PTPRG: variants seen among roughly 807,000 people sequenced by gnomAD.
PTPRG encodes the protein protein tyrosine phosphatase receptor type G.
Under a neutral mutation model 165.3 loss-of-function variants are expected in PTPRG, and 102 were observed. That is an observed-to-expected ratio of 0.62 (90% confidence interval 0.53 to 0.73). The LOEUF (loss-of-function observed/expected upper bound fraction) is 0.73. Ranked by LOEUF, PTPRG falls within the 30% of genes least tolerant of loss-of-function variation. PTPRG has a pLI of 0.00. For missense variants in PTPRG, 1,866 were observed against 1,861.4 expected (o/e 1.00, Z -0.05); for synonymous variants, 675 against 669.5 (o/e 1.01, Z -0.13).
chr3:61,956,004 G>T lies in PTPRG; in HGVS notation c.191-33621G>T, dbSNP rs143246943. ...TCAATTTCAGAGATAGAATTGCCAA[G>T]TTCATTATTTCTGGAGAAAGGAACA... On this transcript the variant is annotated intron_variant, in intron 2 of 29. Transcript: ENST00000474889. 4.3e-3 allele frequency among the ~76,000 whole-genome samples: 660 copies of T among 151,878 alleles called. 3 individuals carry two copies. The highest frequency in any genetic ancestry group is 0.014 in the African/African-American group (593 of 41,372).
chr3:62,128,098 G>C (rs1367893432), intron 5 of PTPRG, among the ~76,000 whole-genome samples: 1 of 152,160 alleles, frequency 6.6e-6, no homozygotes, highest in Non-Finnish European at 1.5e-5. Flanking sequence ...CAACTGAAAA[G>C]CTTTAATTCA....
At chr3:61,573,110 CA>C (rs1559508212) in intron 1 of PTPRG, among the ~76,000 whole-genome samples, 1 of 152,226 alleles carries the variant, frequency 6.6e-6, no homozygotes, top group African/African-American at 2.4e-5. Flanking sequence ...ATTTCACAGT[CA>C]TGTGTTGACT....
rs890069022 is a variant in PTPRG, at chr3:62,195,138, G to A, written c.1295G>A (p.Arg432His). 3.1e-6 allele frequency: 5 copies of A among 1,614,168 alleles called. No homozygotes were observed. Among genetic ancestry groups the A allele is most frequent in the South Asian group, 1.1e-5 (1 of 91,086 alleles). The stretch of plus-strand genomic sequence containing the variant: ...CAGGCCGTGTGTCGGAACGACATGC[G>A]CAGCGACTTTAGCCAGACGATGCTG... Reference protein sequence around the residue: ...RVQAVCRNDMRSDFSQTMLFQ... With the variant: ...RVQAVCRNDMHSDFSQTMLFQ... The change falls in exon 10 of 30, where the codon CGC becomes CAC. Residue 432 changes from arginine (R) to histidine (H), a missense_variant. By Grantham distance (29) the Arg-to-His change is conservative (BLOSUM62 0). This residue lies in a region of PTPRG where 1,452 missense variants were observed against 1,463.0 expected (regional missense o/e 0.99). Transcript: ENST00000474889. This position sits in a 1 kb window ranked among gnomAD's most constrained non-coding sequence, Gnocchi z 4.4.
Position 62,210,975 on chromosome 3 carries a change from C to CT in PTPRG, c.2155+7026dup, listed in dbSNP as rs1258505575. ...TCTGACTATTCAGGGATTAGCACCCCTAATGCCTATGTTGTTGGTGGGTTA... is the reference window on the plus strand; with the variant it reads ...TCTGACTATTCAGGGATTAGCACCCCTTAATGCCTATGTTGTTGGTGGGTTA... On this transcript the variant is annotated intron_variant, in intron 12 of 29. Coordinates refer to ENST00000474889, the MANE Select transcript of PTPRG (RefSeq NM_002841.4). This position sits in a 1 kb window ranked among gnomAD's most constrained non-coding sequence, Gnocchi z 4.1. 1.3e-5 allele frequency among the ~76,000 whole-genome samples: 2 copies of CT among 152,140 alleles called. No homozygotes were observed. Among genetic ancestry groups the CT allele is most frequent in the Non-Finnish European group, 2.9e-5 (2 of 68,028 alleles).
In PTPRG at chr3:62,210,942, C is replaced by T. The variant is rs192137917; in HGVS notation, c.2155+6992C>T. Among the ~76,000 whole-genome samples, 52 of 152,242 alleles carry T rather than the reference C, an allele frequency of 3.4e-4. No individual in the cohort carries two copies. In the East Asian group the frequency reaches 9.7e-3, roughly 28 times the overall value. On this transcript the variant is annotated intron_variant, in intron 12 of 29. Coordinates refer to ENST00000474889, the MANE Select transcript of PTPRG (RefSeq NM_002841.4). The surrounding 1 kb of genome is among the most constrained non-coding windows in gnomAD (Gnocchi z 4.1). ...AGCTTTTGGAGACTCAAAAGTTATA[C>T]ATGAATTTCTGACTATTCAGGGATT... is the stretch of plus-strand genomic sequence containing the variant.
chr3:61,672,523 G>A (rs1703044233), intron 1 of PTPRG, among the ~76,000 whole-genome samples: 1 of 149,360 alleles, frequency 6.7e-6, no homozygotes, highest in Non-Finnish European at 1.5e-5. Context: ...CTGGAGACCA[G>A]CCCGGCCAAC....
intron 3 of PTPRG, among the ~76,000 whole-genome samples, chr3:61,994,895 T>G (rs1298377255): frequency 6.6e-6 from 1 of 152,056 alleles, no homozygotes; most frequent in Non-Finnish European, 1.5e-5. Flanking sequence ...AGCAAGTATC[T>G]GGAGTTGAAA....
In PTPRG at chr3:62,195,991, T is replaced by C. The variant is rs1699952824; in HGVS notation, c.1327+821T>C. Reference sequence around the variant, plus strand: ...TTTACTAGAGACGGGGGTTTCACCATGTTGGCCAGGCTGGTCTTGAACTCC... The same window carrying C: ...TTTACTAGAGACGGGGGTTTCACCACGTTGGCCAGGCTGGTCTTGAACTCC... On this transcript the variant is annotated intron_variant, in intron 10 of 29. Transcript: ENST00000474889. This position sits in a 1 kb window ranked among gnomAD's most constrained non-coding sequence, Gnocchi z 4.4. Among the ~76,000 whole-genome samples the C allele has an allele frequency of 6.7e-6, 1 of 148,580 alleles. No homozygotes were observed. The highest frequency in any genetic ancestry group is 6.7e-5 in the Admixed American group (1 of 14,858).
intron 2 of PTPRG, among the ~76,000 whole-genome samples, chr3:61,860,728 G>A (rs796806477): frequency 6.6e-5 from 10 of 152,228 alleles, no homozygotes; most frequent in African/African-American, 2.2e-4. Flanking sequence ...ACAGGTGTGA[G>A]CCACTGCGCC....
chr3:61,761,052 G>A (rs932680652), intron 2 of PTPRG, among the ~76,000 whole-genome samples: 11 of 152,104 alleles, frequency 7.2e-5, no homozygotes, highest in African/African-American at 2.7e-4. Flanking sequence ...ACAGTGCTGC[G>A]ATGAACATAG....
At chr3:61,747,303 A>AG (rs908711504) in intron 1 of PTPRG, among the ~76,000 whole-genome samples, 7 of 85,192 alleles carry the variant, frequency 8.2e-5, no homozygotes, top group African/African-American at 3.5e-4. Context: ...TTACTAACAT[A>AG]GCAAGACAGT....
rs143246257 is a variant in PTPRG, at chr3:62,265,896, T to TACACACACAC, written c.2657-1493_2657-1484dup. Reference sequence around the variant, plus strand: ...CACACGTATACATCTGTGCCTTATATACACACACACACACACACACACACA... The same window carrying TACACACACAC: ...CACACGTATACATCTGTGCCTTATATACACACACACACACACACACACACACACACACACA... On this transcript the variant is annotated intron_variant, in intron 17 of 29. Transcript: ENST00000474889. 3.6e-3 allele frequency among the ~76,000 whole-genome samples: 468 copies of TACACACACAC among 130,600 alleles called. 4 individuals are homozygous for TACACACACAC. Among genetic ancestry groups the TACACACACAC allele is most frequent in the African/African-American group, 8.4e-3 (289 of 34,426 alleles). 85.7% of individuals were successfully genotyped at this position (130,600 alleles called of 152,430 possible).
chr3:62,023,947 G>C (rs2041753658), intron 4 of PTPRG, among the ~76,000 whole-genome samples: 1 of 152,090 alleles, frequency 6.6e-6, no homozygotes. Flanking sequence ...TCAATGAAAA[G>C]CTTATCTTAG....
At chr3:61,836,743 GTTTT>G (rs55916289) in intron 2 of PTPRG, among the ~76,000 whole-genome samples, 1 of 151,940 alleles carries the variant, frequency 6.6e-6, no homozygotes, top group Non-Finnish European at 1.5e-5. Context: ...GTTGTTTTTT[GTTTT>G]TTTATTTGTT....
At chr3:62,274,816 GAC>G (rs1473182110) in intron 23 of PTPRG, among the ~76,000 whole-genome samples, 11 of 151,792 alleles carry the variant, frequency 7.2e-5, no homozygotes, top group African/African-American at 2.4e-4. Context: ...TAATAATGAG[GAC>G]ACAGTGTATC....
chr3:62,046,353 T>C (rs868772984), intron 4 of PTPRG, among the ~76,000 whole-genome samples: 1 of 152,218 alleles, frequency 6.6e-6, no homozygotes, highest in Non-Finnish European at 1.5e-5. Flanking sequence ...TCTGTTTTTC[T>C]CCCTTCTGTG....
chr3:61,858,002 C>T (rs901981145), intron 2 of PTPRG, among the ~76,000 whole-genome samples: 1 of 152,146 alleles, frequency 6.6e-6, no homozygotes. Flanking sequence ...AAATTTCTCC[C>T]AGACATTGCA....
At chr3:61,709,923 T>C (rs773877024) in intron 1 of PTPRG, among the ~76,000 whole-genome samples, 1 of 152,148 alleles carries the variant, frequency 6.6e-6, no homozygotes, top group African/African-American at 2.4e-5. Context: ...TCCCAAGGTC[T>C]GGGTTGGAGC....
chr3:61,660,034 G>A (rs1276251516), intron 1 of PTPRG, among the ~76,000 whole-genome samples: 3 of 152,070 alleles, frequency 2.0e-5, no homozygotes, highest in Non-Finnish European at 2.9e-5. Context: ...AGACCATCCT[G>A]GCCAACATGG....
Sources: gnomAD v4.1 joint callset for allele counts (sites outside exome capture counted in the v4.1 genomes callset) on GRCh38, gnomAD v4.1.1 for gene constraint, gnomAD v4.1.1 regional missense constraint, Gnocchi (gnomAD v3.1) non-coding constraint, MANE v1.5 for transcripts, NCBI Gene and HGNC (gene_info 2026-07-23, HGNC 2026-07-21) for gene names.